The following KIF4A variants were observed in gnomAD, a reference collection of about 807,000 sequenced individuals.
KIF4A encodes the protein kinesin family member 4A, also known as chromosome-associated kinesin KIF4A.
Under a neutral mutation model 105.9 loss-of-function variants are expected in KIF4A, and 7 were observed. That is an observed-to-expected ratio of 0.07 (90% CI 0.04 to 0.12). The LOEUF is 0.12. Among genes scored for constraint, KIF4A ranks in the 10% least tolerant of loss-of-function variants. The pLI, the probability that KIF4A is intolerant of heterozygous loss-of-function variation, is 1.00. For missense variants in KIF4A, 558 were observed against 929.2 expected, an observed-to-expected ratio of 0.60 and a Z score of 5.19; for synonymous variants, 281 against 331.3, an observed-to-expected ratio of 0.85 and a Z score of 1.65.
chrX:70,350,872 T>G (rs1194926012), intron 13 of KIF4A, among the ~76,000 whole-genome samples: 1 of 112,309 alleles, frequency 8.9e-6, no homozygotes, highest in Non-Finnish European at 1.9e-5. Flanking sequence ...TTCCTGGAAA[T>G]AATTCTTTTT....
intron 15 of KIF4A, among the ~76,000 whole-genome samples, chrX:70,370,479 AATATAGAATATATGATATACTAT>A (rs1164063675): frequency 5.6e-5 from 6 of 107,912 alleles, no homozygotes; most frequent in Non-Finnish European, 1.1e-4. Flanking sequence ...GAATATATGT[AATATAGAATATATGATATACTAT>A]ATATAGAATA....
rs772463726 is a variant in KIF4A, at chrX:70,341,776, A to G, written c.1134-23A>G. On this transcript the variant is annotated intron_variant, in intron 10 of 30. Coordinates refer to ENST00000374403, the MANE Select transcript of KIF4A (RefSeq NM_012310.5). ...GTATTATCAATCAGATATTTTTCTAATATGTTATTTACTTTGTTTTAGTGT... is the reference window on the plus strand; with the variant it reads ...GTATTATCAATCAGATATTTTTCTAGTATGTTATTTACTTTGTTTTAGTGT... 7.5e-6 allele frequency: 9 copies of G among 1,192,731 alleles called. No individual in the cohort carries two copies. In the South Asian group the frequency reaches 1.6e-4, roughly 22 times the overall value.
intron 15 of KIF4A, among the ~76,000 whole-genome samples, chrX:70,365,556 C>T (rs1336670806): frequency 2.5e-4 from 28 of 111,739 alleles, no homozygotes; most frequent in Non-Finnish European, 4.5e-4. Flanking sequence ...TATTGATTTT[C>T]GTATGTTGAA....
At chrX:70,321,976 C>G (rs900494352) in intron 7 of KIF4A, among the ~76,000 whole-genome samples, 1 of 110,490 alleles carries the variant, frequency 9.1e-6, no homozygotes, top group Non-Finnish European at 1.9e-5. Flanking sequence ...TCTGAAGACT[C>G]TTTCACAGGC....
chrX:70,313,030 A>G (rs928289663), intron 7 of KIF4A, among the ~76,000 whole-genome samples: 14 of 111,765 alleles, frequency 1.3e-4, no homozygotes, highest in African/African-American at 4.5e-4. Context: ...TCTTGGGTGT[A>G]TAGTTCTATA....
chrX:70,363,561 A>G (rs762917778), intron 15 of KIF4A, among the ~76,000 whole-genome samples: 1 of 111,597 alleles, frequency 9.0e-6, no homozygotes, highest in African/African-American at 3.3e-5. Context: ...ATGTCCCTAC[A>G]AAGGACATGA....
At chrX:70,347,802 C>T (rs1198047048) in intron 13 of KIF4A, among the ~76,000 whole-genome samples, 1 of 98,969 alleles carries the variant, frequency 1.0e-5, no homozygotes, top group African/African-American at 3.7e-5. Context: ...GGTGAAACCC[C>T]GTCTCTACTA....
chrX:70,376,249 C>A (rs1314800638), intron 18 of KIF4A, 39 bp downstream of exon 18: 1 of 802,195 alleles, frequency 1.2e-6, no homozygotes, highest in Non-Finnish European at 1.9e-6. Context: ...AGGTAATAAA[C>A]CCTTCTCTGA....
At chrX:70,404,462 C>G (rs1602809801) in intron 24 of KIF4A, among the ~76,000 whole-genome samples, 1 of 110,749 alleles carries the variant, frequency 9.0e-6, no homozygotes, top group Non-Finnish European at 1.9e-5. Context: ...ATCGCTTGAA[C>G]CCGTGAGGCA....
intron 10 of KIF4A, among the ~76,000 whole-genome samples, chrX:70,334,215 G>A (rs976191442): frequency 2.7e-5 from 3 of 111,705 alleles, no homozygotes; most frequent in Non-Finnish European, 3.8e-5. Flanking sequence ...TAGAAGCCAA[G>A]ATTTGGGTAC....
intron 7 of KIF4A, among the ~76,000 whole-genome samples, chrX:70,323,645 C>G (rs2085899932): frequency 9.0e-6 from 1 of 110,827 alleles, no homozygotes; most frequent in African/African-American, 3.3e-5. Context: ...TACCCCTATA[C>G]CTATAGTAAA....
At chrX:70,349,706 A>G (rs2086017457) in intron 13 of KIF4A, among the ~76,000 whole-genome samples, 1 of 69,318 alleles carries the variant, frequency 1.4e-5, no homozygotes, top group Non-Finnish European at 2.6e-5. Flanking sequence ...GCGGCCGGGC[A>G]GAGACGCTCC....
Position 70,396,006 on chromosome X carries a change from A to G in KIF4A, c.2446A>G (p.Ile816Val), listed in dbSNP as rs759577350. 1 of 1,207,374 alleles carries G rather than the reference A, an allele frequency of 8.3e-7. No individual in the cohort carries two copies. Among genetic ancestry groups the G allele is most frequent in the Non-Finnish European group, 1.1e-6 (1 of 891,799 alleles). ...RGQVSESEDSITKQIESLETE... is the reference protein window; with the variant it reads ...RGQVSESEDSVTKQIESLETE... Reference sequence around the variant, plus strand: ...TCAAGTTTCGGAGTCAGAAGATTCTATTACAAAGCAGATTGAAAGCCTAGA... The same window carrying G: ...TCAAGTTTCGGAGTCAGAAGATTCTGTTACAAAGCAGATTGAAAGCCTAGA... Residue 816 changes from isoleucine (I) to valine (V), a missense_variant, in exon 22 of 31, where the codon ATT becomes GTT. Transcript: ENST00000374403.
At chrX:70,290,843 T>C in intron 3 of KIF4A, 38 bp downstream of exon 3, 1 of 935,124 alleles carries the variant, frequency 1.1e-6, no homozygotes, top group Non-Finnish European at 1.5e-6. Context: ...ACATATATAT[T>C]CCTTGAGCAT....
intron 18 of KIF4A, among the ~76,000 whole-genome samples, chrX:70,383,142 G>A (rs1220187106): frequency 7.5e-5 from 8 of 105,973 alleles, no homozygotes; most frequent in Non-Finnish European, 1.5e-4. Flanking sequence ...AGCCGAGATC[G>A]TGCCATTGCA....
intron 13 of KIF4A, among the ~76,000 whole-genome samples, chrX:70,345,852 G>A (rs2147700041): frequency 9.0e-6 from 1 of 111,586 alleles, no homozygotes; most frequent in East Asian, 2.8e-4. Context: ...GGAAAATTGG[G>A]AATCCTCTCT....
chrX:70,371,627 G>A (rs1244579772), intron 15 of KIF4A, among the ~76,000 whole-genome samples: 5 of 105,986 alleles, frequency 4.7e-5, no homozygotes, highest in Admixed American at 1.9e-4. Flanking sequence ...CCTCCCTCCC[G>A]GATGGGGCGG....
chrX:70,386,723 G>C (rs769228020), intron 19 of KIF4A, 22 bp downstream of exon 19: 3 of 1,078,510 alleles, frequency 2.8e-6, no homozygotes, highest in Non-Finnish European at 3.9e-6. Flanking sequence ...CAATCTGCTA[G>C]GTCAAGTGTA....
At chrX:70,333,367 A>G (rs1388270167) in intron 9 of KIF4A, among the ~76,000 whole-genome samples, 1 of 110,438 alleles carries the variant, frequency 9.1e-6, no homozygotes, top group Non-Finnish European at 1.9e-5. Flanking sequence ...ATAGGTGCTC[A>G]GTAAAAACTC....
Sources: gnomAD v4.1 joint callset for allele counts (sites outside exome capture counted in the v4.1 genomes callset) on GRCh38, gnomAD v4.1.1 for gene constraint, MANE v1.5 for transcripts, NCBI Gene and HGNC (gene_info 2026-07-23, HGNC 2026-07-21) for gene names.